The following HNF1B variants were observed in gnomAD, a reference collection of about 807,000 sequenced individuals.
HNF1B encodes the protein HNF1 homeobox B, also known as hepatocyte nuclear factor 1-beta.
A neutral mutation model predicts 61.7 loss-of-function variants in HNF1B; 8 were observed. The ratio of observed to expected loss-of-function variants is 0.13; its 90% CI spans 0.08 to 0.23. The LOEUF is 0.23. Among genes scored for constraint, HNF1B ranks in the 10% least tolerant of loss-of-function variants. The probability of loss-of-function intolerance (pLI) is 1.00; values close to 1 mark genes in which losing one functional copy is unlikely to be tolerated. For synonymous variants in HNF1B, 314 were observed against 287.7 expected (o/e 1.09, Z -0.93); for missense variants, 562 against 714.5 (o/e 0.79, Z 2.43).
intron 4 of HNF1B, among the ~76,000 whole-genome samples, chr17:37,726,948 G>T (rs546262318): frequency 1.3e-5 from 2 of 152,290 alleles, no homozygotes; most frequent in South Asian, 4.2e-4. Context: ...GGAGGCTGAT[G>T]AAGACCTTTT....
chr17:37,735,145 A>T lies in HNF1B; in HGVS notation c.545-1324T>A, dbSNP rs376375496. Among the ~76,000 whole-genome samples, 3 of 152,074 alleles carry T rather than the reference A, an allele frequency of 2.0e-5. No individual in the cohort carries two copies. The East Asian group carries it at 5.8e-4, about 29-fold the overall frequency. ...TACTCCCACAGGTCACAGAAAGTGG[A>T]AGGCTACCACCTCCCTTTGTGATGT... is the stretch of plus-strand genomic sequence containing the variant. On this transcript the variant is annotated intron_variant, in intron 2 of 8. Transcript: ENST00000617811.
chr17:37,705,634 T>C (rs2032721492), intron 5 of HNF1B, among the ~76,000 whole-genome samples: 1 of 152,258 alleles, frequency 6.6e-6, no homozygotes, highest in Admixed American at 6.5e-5. Flanking sequence ...ATTTACTTTG[T>C]ACATGACCAC....
At chr17:37,737,993 T>A (rs980652038) in intron 2 of HNF1B, among the ~76,000 whole-genome samples, 1 of 152,242 alleles carries the variant, frequency 6.6e-6, no homozygotes, top group Non-Finnish European at 1.5e-5. Flanking sequence ...CTTTCCTGCC[T>A]CCTTCTCCTT....
chr17:37,744,683 C>A lies in HNF1B; in HGVS notation c.202G>T (p.Gly68Cys). 6.2e-7 allele frequency: 1 copy of A among 1,613,510 alleles called. No homozygotes were observed. The highest frequency in any genetic ancestry group is 8.5e-7 in the Non-Finnish European group (1 of 1,180,022). Reference protein sequence around the residue: ...TKPVFHTLTNGHAKGRLSGDE... With the variant: ...TKPVFHTLTNCHAKGRLSGDE... ...CCGGACAAGCGGCCCTTGGCGTGGC[C>A]GTTGGTGAGAGTATGGAAGACCGGC... Residue 68 changes from glycine to cysteine, a missense_variant, in exon 1 of 9, where the codon GGC becomes TGC. Gly to Cys is a radical substitution (Grantham distance 159). Transcript: ENST00000617811.
chr17:37,702,939 G>A (rs2032620079), intron 6 of HNF1B, among the ~76,000 whole-genome samples: 1 of 152,198 alleles, frequency 6.6e-6, no homozygotes, highest in Admixed American at 6.5e-5. Flanking sequence ...CTGGGCACTG[G>A]TTCTTGCTTG....
At chr17:37,727,998 G>GC (rs987214828) in intron 4 of HNF1B, among the ~76,000 whole-genome samples, 8 of 148,398 alleles carry the variant, frequency 5.4e-5, no homozygotes, top group African/African-American at 1.5e-4. Flanking sequence ...TTTTTTTGTT[G>GC]TTTTTTTTTT....
rs1568638209 is a variant in HNF1B, at chr17:37,701,027, T to G, written c.1490A>C (p.Gln497Pro). ...AGTCACAGCTGCCATGAAGGGCTGC[T>G]GGGCCATGTGGCTGCCTGGGCTCTG... ...MQQSPGSHMA[Q>P]QPFMAAVTQL... Residue 497 changes from glutamine to proline, a missense_variant, in exon 7 of 9, where the codon CAG (glutamine) becomes CCG (proline). By Grantham distance (76) the Gln-to-Pro change is moderately conservative. Around this residue, in one of 6 missense-constraint regions of HNF1B, gnomAD observed 64 missense variants for 96.9 expected, o/e 0.66. Transcript: ENST00000617811. 5.1e-6 allele frequency: 8 copies of G among 1,557,316 alleles called. No individual in the cohort carries two copies. The South Asian group carries it at 9.5e-5, about 18-fold the overall frequency.
rs962957493 is a variant in HNF1B at position 37,725,819 on chromosome 17, G to A, written c.1045+5776C>T. ...GGGAGGGGGCGGAGCTCCCAGAGGT[G>A]AGCTGAGGTGCTTGCACTGTCTCAG... On this transcript the variant is annotated intron_variant, in intron 4 of 8. Transcript: ENST00000617811. 1.1e-4 allele frequency among the ~76,000 whole-genome samples: 16 copies of A among 152,350 alleles called. No homozygotes were observed. The East Asian group carries it at 3.1e-3, about 29-fold the overall frequency.
intron 8 of HNF1B, among the ~76,000 whole-genome samples, chr17:37,696,546 G>A (rs961740964): frequency 1.3e-5 from 2 of 152,128 alleles, no homozygotes; most frequent in African/African-American, 4.8e-5. Context: ...TGCACCTTCC[G>A]CCATGCTTGT....
At chr17:37,687,476 G>T in intron 8 of HNF1B, 84 bp from the exon 9 acceptor site, 1 of 1,018,638 alleles carries the variant, frequency 9.8e-7, no homozygotes, top group Admixed American at 1.7e-5. Context: ...TAAGGGAGAT[G>T]ATGCCCAACT....
chr17:37,709,447 G>A (rs1242236923), intron 5 of HNF1B, among the ~76,000 whole-genome samples: 1 of 151,738 alleles, frequency 6.6e-6, no homozygotes, highest in Non-Finnish European at 1.5e-5. Flanking sequence ...TAGAGATGGT[G>A]TTTCGCCCTG....
At chr17:37,702,588 T>A (rs2147451340) in intron 6 of HNF1B, among the ~76,000 whole-genome samples, 1 of 152,356 alleles carries the variant, frequency 6.6e-6, no homozygotes, top group Admixed American at 6.5e-5. Context: ...TCCATGAATG[T>A]GCCGTTTTTG....
In HNF1B at chr17:37,739,976, A is replaced by T. The variant is rs528687891; in HGVS notation, c.345-337T>A. Among the ~76,000 whole-genome samples, 597 of 151,126 alleles carry T rather than the reference A, an allele frequency of 4.0e-3. 2 individuals carry two copies. The highest frequency in any genetic ancestry group is 6.6e-3 in the Admixed American group (100 of 15,188). On this transcript the variant is annotated intron_variant, in intron 1 of 8. Transcript: ENST00000617811. ...TTAATTAATTAATTTATTTATTATT[A>T]TTTTTTTTGATGTGGAGTTTTGCTC...
At chr17:37,731,327 G>A in intron 4 of HNF1B, 1 of 597,994 alleles carries the variant, frequency 1.7e-6, no homozygotes, top group Non-Finnish European at 3.0e-6. Context: ...AGCCACACAG[G>A]GAGAAGAAGA....
At position 37,705,023 on chromosome 17, in the gene HNF1B, G is replaced by A. The variant is rs2032696114; in HGVS notation, c.1233C>T (p.Pro411=). 2 of 1,614,006 alleles carry A rather than the reference G, an allele frequency of 1.2e-6. No individual in the cohort carries two copies. The highest frequency in any genetic ancestry group is 8.5e-7 in the Non-Finnish European group (1 of 1,179,986). Residue 411 remains proline (P), a synonymous_variant, in exon 6 of 9, where the codon CCC becomes CCT. Coordinates refer to ENST00000617811, the MANE Select transcript of HNF1B (RefSeq NM_000458.4). ...GGATATTCGTCAAGGTGCTGACTGGGGGCAAACCTCCTCCTGAGACTGAGA... is the reference window on the plus strand; with the variant it reads ...GGATATTCGTCAAGGTGCTGACTGGAGGCAAACCTCCTCCTGAGACTGAGA... ...KMISVSGGGL[P]PVSTLTNIHS...
intron 2 of HNF1B, among the ~76,000 whole-genome samples, chr17:37,734,327 C>G (rs1039760666): frequency 6.6e-6 from 1 of 152,134 alleles, no homozygotes; most frequent in African/African-American, 2.4e-5. Flanking sequence ...TTAGAAAAAC[C>G]CCAAACCTTT....
intron 1 of HNF1B, among the ~76,000 whole-genome samples, chr17:37,741,938 C>T (rs533888081): frequency 5.0e-4 from 76 of 152,306 alleles, no homozygotes; most frequent in Non-Finnish European, 5.3e-4. Flanking sequence ...CTTCACAACC[C>T]TCTGACCCCA....
At position 37,739,498 on chromosome 17, in the gene HNF1B, G is replaced by A. The variant is rs1272944975; in HGVS notation, c.486C>T (p.Thr162=). 1.2e-6 allele frequency: 2 copies of A among 1,614,062 alleles called. No homozygotes were observed. The highest frequency in any genetic ancestry group is 1.7e-6 in the Non-Finnish European group (2 of 1,180,010). ...AGGTGTACAGAGCGGCACGCTTCTG[G>A]GTCTTCATAGGGGTGCCCTTGTTGA... is the stretch of plus-strand genomic sequence containing the variant. ...QHLNKGTPMK[T]QKRAALYTWY... The change falls in exon 2 of 9, where the codon ACC becomes ACT. Residue 162 remains threonine (T), a synonymous_variant. Coordinates refer to ENST00000617811, the MANE Select transcript of HNF1B (RefSeq NM_000458.4).
intron 2 of HNF1B, among the ~76,000 whole-genome samples, chr17:37,738,120 A>AT (rs2033888125): frequency 6.6e-6 from 1 of 152,186 alleles, no homozygotes; most frequent in African/African-American, 2.4e-5. Context: ...GCTCCTGAGA[A>AT]TTTTTTTAGG....
Sources: gnomAD v4.1 joint callset for allele counts (sites outside exome capture counted in the v4.1 genomes callset) on GRCh38, gnomAD v4.1.1 for gene constraint, gnomAD v4.1.1 regional missense constraint, MANE v1.5 for transcripts, NCBI Gene and HGNC (gene_info 2026-07-23, HGNC 2026-07-21) for gene names.